The following TRIM33 variants were observed in gnomAD, a reference collection of about 807,000 sequenced individuals.
TRIM33 encodes E3 ubiquitin-protein ligase TRIM33.
TRIM33 carries 20 observed loss-of-function variants against 125.4 expected under a neutral mutation model. The ratio of observed to expected loss-of-function variants is 0.16; its 90% CI spans 0.11 to 0.23. The LOEUF is 0.23. TRIM33 is among the 10% of genes least tolerant of loss of function. TRIM33 has a pLI of 1.00. For synonymous variants in TRIM33, 564 were observed against 513.9 expected, an observed-to-expected ratio of 1.10 and a Z score of -1.32; for missense variants, 920 against 1,411.4, an observed-to-expected ratio of 0.65 and a Z score of 5.58.
chr1:114,406,775 T>C (rs77301923), intron 14 of TRIM33, among the ~76,000 whole-genome samples, 166 bp downstream of exon 14: 2,329 of 152,342 alleles, frequency 0.015, 49 homozygotes, highest in African/African-American at 0.048. Context: ...AGCTGACTCT[T>C]AGACAAAAAA....
intron 1 of TRIM33, among the ~76,000 whole-genome samples, chr1:114,505,636 C>T (rs1331550048): frequency 6.6e-6 from 1 of 152,196 alleles, no homozygotes; most frequent in Non-Finnish European, 1.5e-5. Context: ...GGCGTGATCT[C>T]AGCTCACTGC....
chr1:114,401,046 T>A (rs2101082404), intron 17 of TRIM33, among the ~76,000 whole-genome samples: 1 of 151,310 alleles, frequency 6.6e-6, no homozygotes, highest in Admixed American at 6.6e-5. Context: ...TTTTTTTCTT[T>A]TTTTTTTTGA....
intron 1 of TRIM33, among the ~76,000 whole-genome samples, chr1:114,471,929 C>T (rs972641915): frequency 2.6e-5 from 4 of 152,214 alleles, no homozygotes; most frequent in Non-Finnish European, 1.5e-5. Context: ...AGCTACAAAA[C>T]ACATTTAGTG....
At chr1:114,419,771 G>A (rs559458628) in intron 11 of TRIM33, among the ~76,000 whole-genome samples, 23 of 152,240 alleles carry the variant, frequency 1.5e-4, no homozygotes, top group Non-Finnish European at 2.1e-4. Context: ...CAGGAGCAGG[G>A]GGATGGGTAA....
intron 1 of TRIM33, among the ~76,000 whole-genome samples, chr1:114,482,093 T>C (rs1016305363): frequency 2.0e-5 from 3 of 152,176 alleles, no homozygotes; most frequent in Admixed American, 2.0e-4. Flanking sequence ...ATCTGCACTG[T>C]CTAATATGGC....
At chr1:114,413,987 TG>T (rs1385347524) in intron 11 of TRIM33, among the ~76,000 whole-genome samples, 3 of 150,538 alleles carry the variant, frequency 2.0e-5, no homozygotes, top group Admixed American at 2.0e-4. Flanking sequence ...AGTGAGACCC[TG>T]TCTCAAAACA....
chr1:114,429,958 A>G (rs1647838924), intron 6 of TRIM33, among the ~76,000 whole-genome samples: 1 of 152,176 alleles, frequency 6.6e-6, no homozygotes, highest in South Asian at 2.1e-4. Flanking sequence ...TTCATCTAGA[A>G]ACTTACACCT....
chr1:114,461,235 T>TAC (rs904628136), intron 4 of TRIM33, among the ~76,000 whole-genome samples: 49 of 142,088 alleles, frequency 3.4e-4, no homozygotes, highest in Non-Finnish European at 5.8e-4. Flanking sequence ...TATATATATA[T>TAC]ACATATATTT....
intron 4 of TRIM33, among the ~76,000 whole-genome samples, chr1:114,434,196 G>C (rs1165870595): frequency 1.3e-5 from 2 of 151,952 alleles, no homozygotes; most frequent in Non-Finnish European, 2.9e-5. Flanking sequence ...TTTTAATAAA[G>C]ACAAGGTCTA....
At chr1:114,447,021 T>C (rs1557870853) in intron 4 of TRIM33, among the ~76,000 whole-genome samples, 1 of 152,080 alleles carries the variant, frequency 6.6e-6, no homozygotes, top group Non-Finnish European at 1.5e-5. Flanking sequence ...GTAGCAGAGA[T>C]GGAGGGATAG....
intron 17 of TRIM33, among the ~76,000 whole-genome samples, chr1:114,400,945 G>T (rs1651834146): frequency 6.6e-6 from 1 of 151,738 alleles, no homozygotes; most frequent in Admixed American, 6.6e-5. Flanking sequence ...AAAAAATCGT[G>T]TCAGAAAACT....
intron 11 of TRIM33, among the ~76,000 whole-genome samples, chr1:114,412,951 A>G (rs1036687331): frequency 4.6e-5 from 7 of 152,222 alleles, no homozygotes; most frequent in Non-Finnish European, 7.3e-5. Flanking sequence ...TGATTGTACC[A>G]TTTTACAATC....
rs1335946045 is a variant in TRIM33 at position 114,407,078 on chromosome 1, C to G, written c.2281G>C (p.Ala761Pro). 6.2e-7 allele frequency: 1 copy of G among 1,613,412 alleles called. No individual in the cohort carries two copies. Among genetic ancestry groups the G allele is most frequent in the African/African-American group, 1.3e-5 (1 of 74,900 alleles). The change falls in exon 14 of 20, where the codon GCT becomes CCT. Residue 761 changes from alanine (A) to proline (P), a missense_variant. Transcript: ENST00000358465. ...TTGAAACTAAGACTTGTCTTCTCAG[C>G]AGTTCTTCCTGATGACCCACAGCTA... is the stretch of plus-strand genomic sequence containing the variant. ...RGSCGSSGRT[A>P]EKTSLSFKSD...
At position 114,511,010 on chromosome 1, in the gene TRIM33, T is replaced by C; in HGVS notation, c.67A>G (p.Thr23Ala). The C allele has an allele frequency of 7.5e-7, 1 of 1,326,542 alleles. No homozygotes were observed. Among genetic ancestry groups the C allele is most frequent in the Non-Finnish European group, 9.6e-7 (1 of 1,039,882 alleles). 82.2% of individuals were successfully genotyped at this position (1,326,542 alleles called of 1,614,324 possible). The change falls in exon 1 of 20, where the codon ACT becomes GCT. Residue 23 changes from threonine (T) to alanine (A), a missense_variant. Thr to Ala is a moderately conservative substitution (Grantham distance 58, BLOSUM62 0). Around this residue, in one of 8 missense-constraint regions of TRIM33, gnomAD observed 233 missense variants for 189.6 expected, o/e 1.23. Coordinates refer to ENST00000358465, the MANE Select transcript of TRIM33 (RefSeq NM_015906.4). ...GCGGCGGGCCCGGCGGCCCCGGCAG[T>C]TACCGGCGCGCTGCCGCTGCCCCCG... ...GGGGSGSAPV[T>A]AGAAGPAAQE...
rs536902611 is a variant in TRIM33, at chr1:114,510,813, T to C, written c.264A>G (p.Gly88=). 104 of 1,519,218 alleles carry C rather than the reference T, an allele frequency of 6.8e-5. No homozygotes were observed. The highest frequency in any genetic ancestry group is 8.7e-5 in the Non-Finnish European group (99 of 1,140,216). 94.1% of individuals were successfully genotyped at this position (1,519,218 alleles called of 1,614,324 possible). The stretch of plus-strand genomic sequence containing the variant: ...GCGTCGATACTGCGCCCCCGGCAAC[T>C]CCAGTGCCCACTGAGGCCGCAGGAG... ...ASSPAASVGT[G]VAGGAVSTPA... Residue 88 remains glycine (G), a synonymous_variant, in exon 1 of 20, where the codon GGA becomes GGG. Coordinates refer to ENST00000358465, the MANE Select transcript of TRIM33 (RefSeq NM_015906.4).
chr1:114,479,987 C>A (rs149333631), intron 1 of TRIM33, among the ~76,000 whole-genome samples: 6,596 of 152,218 alleles, frequency 0.043, 156 homozygotes, highest in African/African-American at 0.063. Flanking sequence ...GTGTACCCAA[C>A]AGCTCATTGA....
intron 1 of TRIM33, among the ~76,000 whole-genome samples, chr1:114,498,560 A>T (rs563433717): frequency 5.9e-5 from 9 of 152,304 alleles, no homozygotes; most frequent in African/African-American, 2.2e-4. Context: ...GAGGTAGAAG[A>T]ATCGCTTGAC....
At chr1:114,497,968 G>A (rs1652471941) in intron 1 of TRIM33, among the ~76,000 whole-genome samples, 1 of 151,698 alleles carries the variant, frequency 6.6e-6, no homozygotes, top group Admixed American at 6.6e-5. Context: ...TGTCAAAAAT[G>A]TTATATAATG....
rs573681532 is a variant in TRIM33, at chr1:114,487,903, C to CAAAAA, written c.526+22643_526+22647dup. 6.1e-3 allele frequency among the ~76,000 whole-genome samples: 225 copies of CAAAAA among 36,620 alleles called. 7 individuals are homozygous for CAAAAA. Among genetic ancestry groups the CAAAAA allele is most frequent in the African/African-American group, 0.02 (181 of 8,846 alleles). The allele number at this position is 36,620 out of a possible 152,430, so 24.0% of individuals were successfully genotyped here. Reference sequence around the variant, plus strand: ...TGGGCGACAGAGCGAGACTCCGTCTCAAAAAAAAAAAAAAAAAAAAAAAAA... The same window carrying CAAAAA: ...TGGGCGACAGAGCGAGACTCCGTCTCAAAAAAAAAAAAAAAAAAAAAAAAAAAAAA... On this transcript the variant is annotated intron_variant, in intron 1 of 19. Coordinates refer to ENST00000358465, the MANE Select transcript of TRIM33 (RefSeq NM_015906.4).
Sources: gnomAD v4.1 joint callset for allele counts (sites outside exome capture counted in the v4.1 genomes callset) on GRCh38, gnomAD v4.1.1 for gene constraint, gnomAD v4.1.1 regional missense constraint, MANE v1.5 for transcripts, NCBI Gene and HGNC (gene_info 2026-07-23, HGNC 2026-07-21) for gene names.